The following GREB1 variants were observed in gnomAD, a reference collection of about 807,000 sequenced individuals.
GREB1 encodes protein GREB1.
GREB1 carries 106 observed loss-of-function variants against 200.7 expected under a neutral mutation model. That is an observed-to-expected ratio of 0.53 (90% confidence interval 0.45 to 0.62). The LOEUF (loss-of-function observed/expected upper bound fraction) is 0.62. GREB1 is among the 20% of genes least tolerant of loss of function. The pLI is 0.00. For synonymous variants in GREB1, 1,132 were observed against 1,092.4 expected (o/e 1.04, Z -0.72); for missense variants, 2,243 against 2,556.8 (o/e 0.88, Z 2.65).
At chr2:11,592,231 T>A (rs181319353) in intron 10 of GREB1, 83 of 263,936 alleles carry the variant, frequency 3.1e-4, no homozygotes, top group Middle Eastern at 1.9e-3. Flanking sequence ...GGGTGATAAT[T>A]CTGGATTGAT....
At chr2:11,577,281 C>T (rs1678967305) in intron 5 of GREB1, among the ~76,000 whole-genome samples, 1 of 152,056 alleles carries the variant, frequency 6.6e-6, no homozygotes, top group Non-Finnish European at 1.5e-5. Context: ...AGGGTATGGC[C>T]GAATATTCTG....
intron 2 of GREB1, among the ~76,000 whole-genome samples, chr2:11,559,173 C>T (rs1421939257): frequency 2.0e-5 from 3 of 152,186 alleles, no homozygotes; most frequent in Non-Finnish European, 4.4e-5. Flanking sequence ...AGCGGCGCTC[C>T]AGGCCCCTGA....
rs70955803 is a variant in GREB1, at chr2:11,497,971, CTTTTTTTTTTTTTTTTTT to C, written c.-159+15614_-159+15631del. On this transcript the variant is annotated intron_variant, in intron 1 of 2. Transcript: ENST00000628795. Reference sequence around the variant, plus strand: ...TAACAGGGTCTTTTGCAGAGCAAAACTTTTTTTTTTTTTTTTTTTTTTTTTTTTTTTTTTTTTTTTTAA... The same window carrying C: ...TAACAGGGTCTTTTGCAGAGCAAAACTTTTTTTTTTTTTTTTTTTTTTTAA... 5.9e-3 allele frequency among the ~76,000 whole-genome samples: 241 copies of C among 40,620 alleles called. 7 individuals carry two copies. The East Asian group carries it at 0.1, about 17-fold the overall frequency. The allele number at this position is 40,620 out of a possible 152,430, so 26.6% of individuals were successfully genotyped here. A position where few individuals can be genotyped will look rare whatever the true frequency, so the allele number is the denominator to read the frequency against.
intron 9 of GREB1, chr2:11,588,056 T>G (rs1450315203): frequency 3.5e-5 from 22 of 630,030 alleles, no homozygotes; most frequent in Non-Finnish European, 4.0e-5. Flanking sequence ...TGAAACCTTG[T>G]CTCTACTAAA....
Position 11,597,278 on chromosome 2 carries a change from T to G in GREB1, c.1955-503T>G, listed in dbSNP as rs1681358137. On this transcript the variant is annotated intron_variant, in intron 13 of 32. Transcript: ENST00000381486. The surrounding 1 kb of genome is among the most constrained non-coding windows in gnomAD (Gnocchi z 4.1). ...CCTAATTTAAAATTCAGTCTTTAAT[T>G]ATGACAATCTCATTTAATCTTGAAT... Among the ~76,000 whole-genome samples, 2 of 152,136 alleles carry G rather than the reference T, an allele frequency of 1.3e-5. No individual in the cohort carries two copies. The highest frequency in any genetic ancestry group is 4.1e-4 in the South Asian group (2 of 4,834).
At chr2:11,516,312 GT>G (rs1673497551) in intron 1 of GREB1, among the ~76,000 whole-genome samples, 2 of 52,172 alleles carry the variant, frequency 3.8e-5, no homozygotes, top group East Asian at 3.6e-4. Flanking sequence ...TTTCCTGCAG[GT>G]GTGTGTGTGT....
At chr2:11,530,491 C>T (rs548146440), upstream of GREB1, among the ~76,000 whole-genome samples, 1 of 148,228 alleles carries the variant, frequency 6.7e-6, no homozygotes, top group Non-Finnish European at 1.5e-5. Flanking sequence ...TCGCTTGAAC[C>T]GGGAGGCGGA....
At chr2:11,566,934 G>T (rs981097374) in intron 4 of GREB1, among the ~76,000 whole-genome samples, 1 of 152,156 alleles carries the variant, frequency 6.6e-6, no homozygotes, top group African/African-American at 2.4e-5. Context: ...GCCTGCTTGT[G>T]TCAAGAATGG....
intron 23 of GREB1, among the ~76,000 whole-genome samples, chr2:11,622,140 G>A (rs936713288): frequency 8.5e-5 from 13 of 152,152 alleles, no homozygotes; most frequent in African/African-American, 3.1e-4. Flanking sequence ...GAGTGCAGTG[G>A]CACCATCTCG....
chr2:11,550,087 C>T (rs573852750), intron 1 of GREB1, among the ~76,000 whole-genome samples: 8 of 152,132 alleles, frequency 5.3e-5, no homozygotes, highest in South Asian at 4.1e-4. Context: ...GGTGAGGTGG[C>T]GGGCGCCTGT....
chr2:11,498,598 G>C (rs978773169), intron 1 of GREB1, among the ~76,000 whole-genome samples: 1 of 152,210 alleles, frequency 6.6e-6, no homozygotes, highest in Admixed American at 6.5e-5. Flanking sequence ...AGGTGGGGAC[G>C]TGGGTCAGGG....
intron 22 of GREB1, 69 bp downstream of exon 22, chr2:11,618,988 AGGC>A: frequency 2.9e-6 from 4 of 1,369,320 alleles, no homozygotes; most frequent in Non-Finnish European, 3.9e-6. Context: ...TCTGGAGGGC[AGGC>A]CTGGGGGTGA....
At chr2:11,526,730 A>AT (rs941601886) in intron 1 of GREB1, among the ~76,000 whole-genome samples, 5 of 151,510 alleles carry the variant, frequency 3.3e-5, no homozygotes, top group Middle Eastern at 3.2e-3. Flanking sequence ...CAATTTTTGT[A>AT]TTTTTTTAGT....
At position 11,634,697 on chromosome 2, in the gene GREB1, C is replaced by T. The variant is rs145133750; in HGVS notation, c.5210+348C>T. ...TATCTAGTCGCAGAAGTGCTCACATCTCCAGAGGATTCAATTGCTCAGTGT... is the reference window on the plus strand; with the variant it reads ...TATCTAGTCGCAGAAGTGCTCACATTTCCAGAGGATTCAATTGCTCAGTGT... On this transcript the variant is annotated intron_variant, in intron 29 of 32. Transcript: ENST00000381486. Among the ~76,000 whole-genome samples the T allele has an allele frequency of 8.3e-3, 1,259 of 152,290 alleles. 11 individuals are homozygous for T. The highest frequency in any genetic ancestry group is 0.02 in the Middle Eastern group (6 of 294).
intron 4 of GREB1, among the ~76,000 whole-genome samples, chr2:11,567,097 A>C (rs1677751026): frequency 6.6e-6 from 1 of 152,112 alleles, no homozygotes; most frequent in Non-Finnish European, 1.5e-5. Flanking sequence ...CTCATCTCTC[A>C]ATACATGGTC....
chr2:11,565,154 C>T (rs980111830), intron 3 of GREB1, among the ~76,000 whole-genome samples: 6 of 152,200 alleles, frequency 3.9e-5, no homozygotes, highest in African/African-American at 1.2e-4. Context: ...CCTGGTCCAC[C>T]TCTCTGTAGC....
intron 1 of GREB1, among the ~76,000 whole-genome samples, chr2:11,485,352 C>A (rs1453399395): frequency 8.6e-5 from 13 of 151,004 alleles, no homozygotes; most frequent in African/African-American, 3.2e-4. Context: ...AGCTCACTGC[C>A]AACCTCTGTT....
Position 11,535,780 on chromosome 2 carries a change from A to G in GREB1, c.-162+1526A>G, listed in dbSNP as rs73915406. 7.2e-3 allele frequency among the ~76,000 whole-genome samples: 1,102 copies of G among 152,198 alleles called. 23 individuals carry two copies. Among genetic ancestry groups the G allele is most frequent in the African/African-American group, 0.025 (1,046 of 41,530 alleles). The stretch of plus-strand genomic sequence containing the variant: ...TATAGAAAAAGGTTGCATTAGCCCC[A>G]CTTACATGATTTGTTTTATCTTCCC... On this transcript the variant is annotated intron_variant, in intron 1 of 32. Transcript: ENST00000381486.
chr2:11,528,104 A>G (rs532218136), intron 1 of GREB1, among the ~76,000 whole-genome samples: 1 of 152,348 alleles, frequency 6.6e-6, no homozygotes, highest in South Asian at 2.1e-4. Context: ...TACACCAGGG[A>G]TTATGTCAGA....
Sources: gnomAD v4.1 joint callset for allele counts (sites outside exome capture counted in the v4.1 genomes callset) on GRCh38, gnomAD v4.1.1 for gene constraint, Gnocchi (gnomAD v3.1) non-coding constraint, MANE v1.5 for transcripts, NCBI Gene and HGNC (gene_info 2026-07-23, HGNC 2026-07-21) for gene names.